The following DTD1 variants were observed in gnomAD, a reference collection of about 807,000 sequenced individuals.
DTD1 encodes D-tyrosyl-tRNA deacylase 1 homolog.
DTD1 carries 13 observed loss-of-function variants against 25.6 expected under a neutral mutation model. The observed-to-expected ratio is 0.51, with a 90% CI of 0.33 to 0.81. The LOEUF is 0.81. Ranked by LOEUF, DTD1 falls within the 30% of genes least tolerant of loss-of-function variation. DTD1 has a pLI of 0.02. For missense variants in DTD1, 193 were observed against 266.4 expected, an observed-to-expected ratio of 0.72 and a Z score of 1.92; for synonymous variants, 110 against 103.6, an observed-to-expected ratio of 1.06 and a Z score of -0.37.
intron 4 of DTD1, chr20:18,631,716 G>A (rs1355157223): frequency 1.0e-6 from 1 of 985,118 alleles, no homozygotes; most frequent in Non-Finnish European, 1.2e-6. Context: ...TTCTCTCTGG[G>A]TTTTTGTCTT....
At chr20:18,690,111 G>C (rs981953224) in intron 4 of DTD1, among the ~76,000 whole-genome samples, 1 of 148,878 alleles carries the variant, frequency 6.7e-6, no homozygotes, top group Non-Finnish European at 1.5e-5. Context: ...ATTTCAGCCT[G>C]GGTGACAGAG....
At chr20:18,728,506 A>C (rs1568683258) in intron 4 of DTD1, among the ~76,000 whole-genome samples, 1 of 152,172 alleles carries the variant, frequency 6.6e-6, no homozygotes, top group Non-Finnish European at 1.5e-5. Context: ...GGGAGTCTGC[A>C]TTCTGACAGC....
intron 4 of DTD1, among the ~76,000 whole-genome samples, chr20:18,659,399 A>G (rs1352008291): frequency 1.3e-5 from 2 of 152,138 alleles, no homozygotes; most frequent in Admixed American, 6.5e-5. Flanking sequence ...GAACAGCTAC[A>G]AGTACATGTG....
rs139295504 is a variant in DTD1, at chr20:18,617,366, A to G, written c.371-10761A>G. 8.7e-3 allele frequency among the ~76,000 whole-genome samples: 1,297 copies of G among 148,984 alleles called. 19 individuals carry two copies. Among genetic ancestry groups the G allele is most frequent in the African/African-American group, 0.03 (1,243 of 40,964 alleles). ...AGATATATAATTTTTAATAATGTGT[A>G]TATATAATATAATGTATATACATAT... On this transcript the variant is annotated intron_variant, in intron 3 of 5. Coordinates refer to ENST00000377452, the MANE Select transcript of DTD1 (RefSeq NM_080820.6).
chr20:18,693,653 A>G (rs143297033), intron 4 of DTD1, among the ~76,000 whole-genome samples: 8 of 91,906 alleles, frequency 8.7e-5, no homozygotes, highest in Non-Finnish European at 1.6e-4. Flanking sequence ...CGAGACTCCC[A>G]TCTAAAAAAA....
chr20:18,688,824 G>A (rs565573899), intron 4 of DTD1, among the ~76,000 whole-genome samples: 8 of 152,170 alleles, frequency 5.3e-5, no homozygotes, highest in African/African-American at 1.4e-4. Flanking sequence ...GAAAATGCCC[G>A]CAGAATATTG....
chr20:18,594,756 C>G (rs1299064100), intron 2 of DTD1, among the ~76,000 whole-genome samples: 1 of 152,156 alleles, frequency 6.6e-6, no homozygotes, highest in Non-Finnish European at 1.5e-5. Flanking sequence ...TAGCTGTCCT[C>G]TGGATACTCA....
At chr20:18,754,459 C>T (rs747273590) in intron 5 of DTD1, among the ~76,000 whole-genome samples, 12 of 152,204 alleles carry the variant, frequency 7.9e-5, no homozygotes, top group Non-Finnish European at 1.5e-4. Context: ...GCTCATGTGA[C>T]GCACATGCGT....
intron 3 of DTD1, among the ~76,000 whole-genome samples, chr20:18,627,324 G>A (rs1002324024): frequency 7.9e-5 from 12 of 152,286 alleles, no homozygotes; most frequent in East Asian, 7.7e-4. Context: ...CCCAGGTTGC[G>A]GAAGGACCTC....
chr20:18,614,814 C>T (rs1235323207), intron 3 of DTD1, among the ~76,000 whole-genome samples: 2 of 151,972 alleles, frequency 1.3e-5, no homozygotes, highest in Non-Finnish European at 2.9e-5. Context: ...TCCCTCTCTC[C>T]CTTCCTCCTT....
rs781471967 is a variant in DTD1 at position 18,744,248 on chromosome 20, C to T, written c.626C>T (p.Pro209Leu). The part of the protein sequence containing the change: ...AEGDVSSERE[P>L] ...GGCGACGTGTCCTCTGAACGGGAGC[C>T]GTAGCTCAGGAGGCAGAATTCAGGT... The change falls in exon 5 of 6, where the codon CCG (proline) becomes CTG (leucine). Residue 209 changes from proline to leucine, a missense_variant. Coordinates refer to ENST00000377452, the MANE Select transcript of DTD1 (RefSeq NM_080820.6). 5.6e-6 allele frequency: 9 copies of T among 1,611,486 alleles called. No homozygotes were observed. Among genetic ancestry groups the T allele is most frequent in the Admixed American group, 3.3e-5 (2 of 59,892 alleles).
intron 4 of DTD1, among the ~76,000 whole-genome samples, chr20:18,633,262 T>A (rs2060795511): frequency 6.6e-6 from 1 of 152,198 alleles, no homozygotes; most frequent in Non-Finnish European, 1.5e-5. Flanking sequence ...CTACTGCATC[T>A]GCTGTTGCCT....
intron 3 of DTD1, among the ~76,000 whole-genome samples, chr20:18,616,926 G>A (rs1159982988): frequency 6.6e-6 from 1 of 152,238 alleles, no homozygotes; most frequent in Non-Finnish European, 1.5e-5. Flanking sequence ...GAATGCCTCT[G>A]GGTCTCAGGA....
At chr20:18,682,637 G>A (rs1341515705) in intron 4 of DTD1, among the ~76,000 whole-genome samples, 1 of 152,144 alleles carries the variant, frequency 6.6e-6, no homozygotes, top group Non-Finnish European at 1.5e-5. Flanking sequence ...GACATTTTGT[G>A]CCTTAGAGCA....
At chr20:18,709,320 A>G (rs2061148893) in intron 4 of DTD1, among the ~76,000 whole-genome samples, 1 of 151,822 alleles carries the variant, frequency 6.6e-6, no homozygotes, top group Non-Finnish European at 1.5e-5. Flanking sequence ...CTAGGGTGAT[A>G]TAATCATATA....
At chr20:18,589,480 G>A (rs956392676) in intron 1 of DTD1, among the ~76,000 whole-genome samples, 9 of 152,086 alleles carry the variant, frequency 5.9e-5, no homozygotes, top group Admixed American at 5.2e-4. Context: ...TTTCAACCCC[G>A]CCTAATGATT....
chr20:18,761,563 C>T (rs1264847023), intron 5 of DTD1, among the ~76,000 whole-genome samples: 2 of 152,094 alleles, frequency 1.3e-5, no homozygotes, highest in Non-Finnish European at 2.9e-5. Context: ...TTTCCATCTG[C>T]ACATCAAATA....
At chr20:18,645,717 A>G (rs2060847619) in intron 4 of DTD1, among the ~76,000 whole-genome samples, 1 of 152,148 alleles carries the variant, frequency 6.6e-6, no homozygotes, top group Non-Finnish European at 1.5e-5. Flanking sequence ...TACCTGGGTT[A>G]TGGGTAAGGA....
At chr20:18,632,389 T>C (rs1333286520) in intron 4 of DTD1, 47 of 985,296 alleles carry the variant, frequency 4.8e-5, no homozygotes, top group Non-Finnish European at 5.5e-5. Flanking sequence ...AGCTCTCCAG[T>C]AGGTGGCGGT....
Sources: allele counts gnomAD v4.1 joint callset (sites outside exome capture counted in the v4.1 genomes callset), GRCh38; gene constraint gnomAD v4.1.1; transcripts MANE v1.5; gene names NCBI Gene and HGNC (gene_info 2026-07-23, HGNC 2026-07-21).